Variants in GJA3 observed in about 807,000 individuals in gnomAD.
GJA3 encodes gap junction protein alpha 3, also known as gap junction alpha-3 protein.
For synonymous variants in GJA3, 297 were observed against 292.6 expected (o/e 1.02, Z -0.15); for missense variants, 571 against 620.3 (o/e 0.92, Z 0.84).
rs549161660 is a variant in GJA3 at position 20,152,478 on chromosome 13, G to A, written c.-18+8412C>T. 9.2e-5 allele frequency among the ~76,000 whole-genome samples: 14 copies of A among 152,184 alleles called. 1 individual carries two copies. Among genetic ancestry groups the A allele is most frequent in the African/African-American group, 3.4e-4 (14 of 41,530 alleles). On this transcript the variant is annotated intron_variant, in intron 1 of 1. Transcript: ENST00000241125. ...CGGCTCACTGCAACCTCTGTCTTGT[G>A]GGTTCAGGCGATTCTTGTGCCTCAG...
chr13:20,150,946 T>C (rs1178018222), intron 1 of GJA3, among the ~76,000 whole-genome samples: 3 of 152,194 alleles, frequency 2.0e-5, no homozygotes, highest in Non-Finnish European at 4.4e-5. Context: ...GAGGGGTCAA[T>C]GCAGTGCAGA....
At chr13:20,160,283 G>A (rs377150174) in intron 1 of GJA3, among the ~76,000 whole-genome samples, 3 of 152,174 alleles carry the variant, frequency 2.0e-5, no homozygotes, top group African/African-American at 7.2e-5. Flanking sequence ...CGAGAAATCT[G>A]GTCGTGGCAT....
rs151009923 is a variant in GJA3, at chr13:20,152,477, T to C, written c.-18+8413A>G. ...TCGGCTCACTGCAACCTCTGTCTTGTGGGTTCAGGCGATTCTTGTGCCTCA... is the reference window on the plus strand; with the variant it reads ...TCGGCTCACTGCAACCTCTGTCTTGCGGGTTCAGGCGATTCTTGTGCCTCA... On this transcript the variant is annotated intron_variant, in intron 1 of 1. Coordinates refer to ENST00000241125, the MANE Select transcript of GJA3 (RefSeq NM_021954.4). Among the ~76,000 whole-genome samples the C allele has an allele frequency of 4.3e-3, 647 of 152,194 alleles. 2 individuals are homozygous for C. Among genetic ancestry groups the C allele is most frequent in the Non-Finnish European group, 8.0e-3 (547 of 67,994 alleles).
At chr13:20,144,274 G>A (rs80151650) in intron 1 of GJA3, among the ~76,000 whole-genome samples, 9 of 152,210 alleles carry the variant, frequency 5.9e-5, no homozygotes, top group Non-Finnish European at 8.8e-5. Flanking sequence ...AGCACTTGGG[G>A]TGAACCGAGC....
intron 1 of GJA3, among the ~76,000 whole-genome samples, 197 bp downstream of exon 1, chr13:20,160,693 C>T (rs999171403): frequency 2.0e-5 from 3 of 152,234 alleles, no homozygotes; most frequent in Non-Finnish European, 4.4e-5. Flanking sequence ...CCGAGCTCCC[C>T]ACAACTTTTT....
rs1024387568 is a variant in GJA3 at position 20,142,110 on chromosome 13, C to G, written c.1179G>C (p.Glu393Asp). Residue 393 changes from glutamate (E) to aspartate (D), a missense_variant, in exon 2 of 2, where the codon GAG becomes GAC. Physicochemically the swap from Glu to Asp is conservative, Grantham distance 45. Transcript: ENST00000241125. ...CCGCGGTGGTCACGGCCTGCTCCTC[C>G]TCCTCGGGGGTCCCTGCCAGGGCGC... ...EGSALAGTPE[E>D]EEQAVTTAAQ... The G allele has an allele frequency of 6.5e-7, 1 of 1,546,990 alleles. No individual in the cohort carries two copies. The highest frequency in any genetic ancestry group is 1.4e-5 in the African/African-American group (1 of 72,924).
Position 20,142,795 on chromosome 13 carries a change from G to C in GJA3, c.494C>G (p.Ala165Gly), listed in dbSNP as rs201065121. ...FKTLFEVGFI[A>G]GQYFLYGFEL... ...GAAGCCGTACAGAAAGTACTGGCCG[G>C]CGATGAAGCCCACCTCGAACAGCGT... Residue 165 changes from alanine (A) to glycine (G), a missense_variant, in exon 2 of 2, where the codon GCC becomes GGC. By Grantham distance (60) the Ala-to-Gly change is moderately conservative. Transcript: ENST00000241125. 1.2e-5 allele frequency: 20 copies of C among 1,613,566 alleles called. No homozygotes were observed. Among genetic ancestry groups the C allele is most frequent in the Non-Finnish European group, 1.7e-5 (20 of 1,179,888 alleles).
rs922345164 is a variant in GJA3, at chr13:20,138,602, A to G, written c.*3379T>C. On this transcript the variant is annotated 3_prime_UTR_variant, in exon 2 of 2. Transcript: ENST00000241125. ...AGAAAAGTGCCTTCCCTGACCTTAAATGTACAATGTCCATATGCTATATTA... is the reference window on the plus strand; with the variant it reads ...AGAAAAGTGCCTTCCCTGACCTTAAGTGTACAATGTCCATATGCTATATTA... The G allele has an allele frequency of 1.4e-5, 2 of 142,364 alleles. No individual in the cohort carries two copies. The highest frequency in any genetic ancestry group is 2.5e-5 in the African/African-American group (1 of 40,624). The allele number at this position is 142,364 out of a possible 1,614,324, so 8.8% of individuals were successfully genotyped here.
At position 20,142,027 on chromosome 13, in the gene GJA3, C is replaced by T; in HGVS notation, c.1262G>A (p.Ser421Asn). ...LGDPGRASKA[S>N]RASSGRARPE... The stretch of plus-strand genomic sequence containing the variant: ...TCTGGCCCGCCCGCTGCTGGCCCTG[C>T]TGGCCTTGCTGGCCCGACCTGGGTC... Residue 421 changes from serine (S) to asparagine (N), a missense_variant, in exon 2 of 2, where the codon AGC (serine) becomes AAC (asparagine). Transcript: ENST00000241125. The T allele has an allele frequency of 6.5e-7, 1 of 1,550,290 alleles. No homozygotes were observed. Among genetic ancestry groups the T allele is most frequent in the East Asian group, 2.4e-5 (1 of 40,914 alleles).
chr13:20,151,388 C>T (rs1958876515), intron 1 of GJA3, among the ~76,000 whole-genome samples: 1 of 152,184 alleles, frequency 6.6e-6, no homozygotes, highest in Non-Finnish European at 1.5e-5. Flanking sequence ...ACAAGGGTTG[C>T]TGAGGCGTGC....
intron 1 of GJA3, among the ~76,000 whole-genome samples, chr13:20,155,715 A>G (rs945609629): frequency 2.0e-5 from 3 of 151,556 alleles, no homozygotes; most frequent in Non-Finnish European, 3.0e-5. Context: ...TGTATGCCAT[A>G]TTCATAATAT....
intron 1 of GJA3, among the ~76,000 whole-genome samples, chr13:20,146,995 C>T (rs1958846857): frequency 6.6e-6 from 1 of 152,222 alleles, no homozygotes; most frequent in African/African-American, 2.4e-5. Context: ...GCTTCTTCAT[C>T]CTCCCTTGTG....
At position 20,145,347 on chromosome 13, in the gene GJA3, G is replaced by T. The variant is rs116400466; in HGVS notation, c.-17-2042C>A. ...GACCCCTGGAGCTCTTAGAGAAAGC[G>T]GACTACTCACGCATCCTCCCAGCCT... is the stretch of plus-strand genomic sequence containing the variant. On this transcript the variant is annotated intron_variant, in intron 1 of 1. Transcript: ENST00000241125. Among the ~76,000 whole-genome samples, 983 of 152,212 alleles carry T rather than the reference G, an allele frequency of 6.5e-3. 8 individuals carry two copies. The highest frequency in any genetic ancestry group is 0.022 in the African/African-American group (922 of 41,528).
chr13:20,152,852 C>A (rs1472471680), intron 1 of GJA3, among the ~76,000 whole-genome samples: 1 of 152,218 alleles, frequency 6.6e-6, no homozygotes, highest in Non-Finnish European at 1.5e-5. Flanking sequence ...CTATGTTTAA[C>A]TATTAATGTC....
intron 1 of GJA3, among the ~76,000 whole-genome samples, chr13:20,157,785 C>G (rs1958914594): frequency 6.6e-6 from 1 of 152,030 alleles, no homozygotes; most frequent in Non-Finnish European, 1.5e-5. Context: ...CAGACTGTCT[C>G]AAGGGGGGTA....
At chr13:20,148,253 C>CTTTTTTTTTTTTTTTTTTTTT in intron 1 of GJA3, among the ~76,000 whole-genome samples, 1 of 90,726 alleles carries the variant, frequency 1.1e-5, no homozygotes, top group Non-Finnish European at 2.2e-5. Flanking sequence ...TACTATGGTT[C>CTTTTTTTTTTTTTTTTTTTTT]TTTTTTTTTT....
intron 1 of GJA3, among the ~76,000 whole-genome samples, chr13:20,159,456 C>CAAAAAAAAAAAAAAAAAAAAAAAAAA (rs57613247): frequency 1.9e-5 from 1 of 51,734 alleles, no homozygotes; most frequent in Non-Finnish European, 3.0e-5. Flanking sequence ...GACTCCATCT[C>CAAAAAAAAAAAAAAAAAAAAAAAAAA]AAAAAAAAAA....
upstream of GJA3, among the ~76,000 whole-genome samples, chr13:20,161,488 C>T (rs975740527): frequency 3.9e-5 from 6 of 152,190 alleles, no homozygotes; most frequent in East Asian, 1.2e-3. Context: ...GGCGCTCCCA[C>T]GGTCGGAGGC....
At chr13:20,154,178 G>T (rs1555340059) in intron 1 of GJA3, among the ~76,000 whole-genome samples, 1 of 152,234 alleles carries the variant, frequency 6.6e-6, no homozygotes, top group Non-Finnish European at 1.5e-5. Context: ...TGGAAATGCA[G>T]TAAGTTTAGA....
Sources: gnomAD v4.1 joint callset for allele counts (sites outside exome capture counted in the v4.1 genomes callset) on GRCh38, gnomAD v4.1.1 for gene constraint, MANE v1.5 for transcripts, NCBI Gene and HGNC (gene_info 2026-07-23, HGNC 2026-07-21) for gene names.